Variants in WDR27 observed in about 807,000 individuals in gnomAD.
The protein encoded by WDR27 is WD repeat domain 27.
In WDR27, 100 loss-of-function variants were observed where a neutral mutation model predicts 114.4. The ratio of observed to expected loss-of-function variants is 0.87; its 90% CI spans 0.74 to 1.03. The LOEUF (loss-of-function observed/expected upper bound fraction) is 1.03. Among genes scored for constraint, WDR27 ranks in the 50% least tolerant of loss-of-function variants. WDR27 has a pLI of 0.00. For missense variants in WDR27, 1,129 were observed against 1,092.9 expected (o/e 1.03, Z -0.47); for synonymous variants, 449 against 423.1 (o/e 1.06, Z -0.75).
At chr6:169,627,127 C>T (rs1815051480) in intron 21 of WDR27, among the ~76,000 whole-genome samples, 1 of 152,184 alleles carries the variant, frequency 6.6e-6, no homozygotes, top group Non-Finnish European at 1.5e-5. Flanking sequence ...CTCCTCACCA[C>T]CATCATCTAA....
intron 25 of WDR27, among the ~76,000 whole-genome samples, chr6:169,521,277 G>A (rs913238618): frequency 2.6e-5 from 4 of 151,946 alleles, no homozygotes; most frequent in Non-Finnish European, 5.9e-5. Context: ...TTATATCCAA[G>A]AATATTGTCT....
intron 1 of WDR27, among the ~76,000 whole-genome samples, chr6:169,693,843 A>G (rs564075887): frequency 6.6e-6 from 1 of 152,330 alleles, no homozygotes; most frequent in African/African-American, 2.4e-5. Context: ...AACTTCATAA[A>G]ACAATTATGA....
At chr6:169,580,202 T>G (rs1470201538) in intron 24 of WDR27, among the ~76,000 whole-genome samples, 1 of 152,254 alleles carries the variant, frequency 6.6e-6, no homozygotes, top group African/African-American at 2.4e-5. Context: ...GCATACTATC[T>G]TTCCTTCAAA....
At chr6:169,532,886 C>T (rs1383237398) in intron 25 of WDR27, among the ~76,000 whole-genome samples, 1 of 151,588 alleles carries the variant, frequency 6.6e-6, no homozygotes, top group East Asian at 1.9e-4. Flanking sequence ...TATCCCTGGG[C>T]CTGTATCACT....
intron 25 of WDR27, among the ~76,000 whole-genome samples, chr6:169,458,916 A>G (rs1784596881): frequency 6.6e-6 from 1 of 152,224 alleles, no homozygotes; most frequent in East Asian, 1.9e-4. Flanking sequence ...GCACAGAGTC[A>G]AGCTACAACA....
chr6:169,521,099 C>T (rs932045425), intron 25 of WDR27, among the ~76,000 whole-genome samples: 12 of 152,028 alleles, frequency 7.9e-5, no homozygotes, highest in African/African-American at 2.4e-4. Flanking sequence ...AATAATCAAA[C>T]TCTTAAACCT....
chr6:169,472,487 A>G (rs1786556720), intron 25 of WDR27, among the ~76,000 whole-genome samples: 1 of 152,236 alleles, frequency 6.6e-6, no homozygotes, highest in Non-Finnish European at 1.5e-5. Context: ...ACCTCAGTTT[A>G]GGACAATTAT....
At chr6:169,664,544 C>T in intron 7 of WDR27, 1 of 1,344,224 alleles carries the variant, frequency 7.4e-7, no homozygotes, top group Non-Finnish European at 9.6e-7. Flanking sequence ...CTGTGCAGGC[C>T]TCCCCAAGAT....
chr6:169,604,834 A>G (rs1808773315), intron 22 of WDR27, among the ~76,000 whole-genome samples: 2 of 152,182 alleles, frequency 1.3e-5, no homozygotes, highest in Non-Finnish European at 2.9e-5. Context: ...AAACAGAATC[A>G]TGGACAAAAA....
chr6:169,602,956 CT>C (rs1808324245), intron 22 of WDR27, among the ~76,000 whole-genome samples: 1 of 151,480 alleles, frequency 6.6e-6, no homozygotes, highest in South Asian at 2.1e-4. Context: ...ATTCTCCAGC[CT>C]CAGCCTCCCA....
downstream of WDR27, among the ~76,000 whole-genome samples, chr6:169,454,001 C>G (rs2115232693): frequency 6.6e-6 from 1 of 152,204 alleles, no homozygotes; most frequent in East Asian, 1.9e-4. Context: ...GCAGTGTGTT[C>G]TGAGAGTATG....
intron 16 of WDR27, chr6:169,647,556 A>G: frequency 3.2e-6 from 2 of 626,690 alleles, no homozygotes; most frequent in Non-Finnish European, 5.8e-6. Context: ...GTCTGTGCCC[A>G]CGCAGGGGTG....
chr6:169,479,080 A>C (rs1159153667), intron 25 of WDR27, among the ~76,000 whole-genome samples: 2 of 152,210 alleles, frequency 1.3e-5, no homozygotes, highest in African/African-American at 4.8e-5. Context: ...GAAATGAAAT[A>C]GCTTCTGTAC....
At chr6:169,595,042 T>C (rs953234554) in intron 23 of WDR27, among the ~76,000 whole-genome samples, 2 of 152,178 alleles carry the variant, frequency 1.3e-5, no homozygotes, top group African/African-American at 2.4e-5. Flanking sequence ...GGCATGTGCC[T>C]GTAGTTCCAG....
intron 19 of WDR27, among the ~76,000 whole-genome samples, chr6:169,635,250 AG>A (rs1350341776): frequency 6.8e-6 from 1 of 146,594 alleles, no homozygotes; most frequent in Non-Finnish European, 1.5e-5. Flanking sequence ...AGGTGGGGGA[AG>A]GGGGGCGCCT....
Position 169,497,275 on chromosome 6 carries a change from G to C in WDR27, c.2646-39641C>G, listed in dbSNP as rs564875607. Among the ~76,000 whole-genome samples the C allele has an allele frequency of 1.7e-4, 26 of 152,138 alleles. No individual in the cohort carries two copies. The South Asian group carries it at 5.0e-3, about 29-fold the overall frequency. ...AACCATGTACAAAAACTAACAAAGT[G>C]CGCCAAAGGCCTGAATGGAAGACTG... is the stretch of plus-strand genomic sequence containing the variant. On this transcript the variant is annotated intron_variant, in intron 25 of 25. Coordinates refer to ENST00000448612, the MANE Select transcript of WDR27 (RefSeq NM_182552.5).
At chr6:169,476,329 T>TTGTG (rs945605335) in intron 25 of WDR27, among the ~76,000 whole-genome samples, 1 of 151,946 alleles carries the variant, frequency 6.6e-6, no homozygotes, top group Non-Finnish European at 1.5e-5. Flanking sequence ...CCAGGGTCGA[T>TTGTG]TGTGTCTTGA....
intron 25 of WDR27, among the ~76,000 whole-genome samples, chr6:169,487,588 A>G (rs1789107577): frequency 6.6e-6 from 1 of 152,202 alleles, no homozygotes; most frequent in Non-Finnish European, 1.5e-5. Flanking sequence ...ACCCAAAGTG[A>G]GCCATGAGCC....
chr6:169,651,665 G>A lies in WDR27; in HGVS notation c.1481+265C>T, dbSNP rs370406167. Among the ~76,000 whole-genome samples, 13 of 152,112 alleles carry A rather than the reference G, an allele frequency of 8.5e-5. No homozygotes were observed. The East Asian group carries it at 9.7e-4, about 11-fold the overall frequency. ...CCCCACCAGCTTCCCCTCACCTCCC[G>A]GGACCACCACGTTATCAGAAAAGGA... On this transcript the variant is annotated intron_variant, in intron 14 of 25. Coordinates refer to ENST00000448612, the MANE Select transcript of WDR27 (RefSeq NM_182552.5).
Sources: allele counts gnomAD v4.1 joint callset (sites outside exome capture counted in the v4.1 genomes callset), GRCh38; gene constraint gnomAD v4.1.1; transcripts MANE v1.5; gene names NCBI Gene and HGNC (gene_info 2026-07-23, HGNC 2026-07-21).